The following FSTL5 variants were observed in gnomAD, a reference collection of about 807,000 sequenced individuals.
The protein encoded by FSTL5 is follistatin like 5.
In FSTL5, 62 loss-of-function variants were observed where a neutral mutation model predicts 89.1. That is an observed-to-expected ratio of 0.70 (90% CI 0.57 to 0.86). The LOEUF (loss-of-function observed/expected upper bound fraction) is 0.86, where lower values mean the gene tolerates loss of function less well. Ranked by LOEUF, FSTL5 falls within the 40% of genes least tolerant of loss-of-function variation. FSTL5 has a pLI of 0.00. For missense variants in FSTL5, 1,057 were observed against 1,001.6 expected (o/e 1.06, Z -0.75); for synonymous variants, 383 against 346.2 (o/e 1.11, Z -1.18).
intron 4 of FSTL5, among the ~76,000 whole-genome samples, chr4:161,826,819 T>C (rs1730683628): frequency 6.6e-6 from 1 of 152,160 alleles, no homozygotes; most frequent in Admixed American, 6.5e-5. Flanking sequence ...AGTAGGTACT[T>C]GGTTGGTAAA....
chr4:161,455,272 A>C (rs1733314218), intron 14 of FSTL5, 144 bp from the exon 15 acceptor site: 1 of 503,442 alleles, frequency 2.0e-6, no homozygotes, highest in Non-Finnish European at 3.2e-6. Context: ...ATATTATTAC[A>C]CAAATTACAA....
chr4:161,440,594 C>G (rs183463598), intron 15 of FSTL5, among the ~76,000 whole-genome samples: 26 of 152,120 alleles, frequency 1.7e-4, no homozygotes, highest in Non-Finnish European at 3.7e-4. Context: ...TCCTGACTTT[C>G]CTAATGAACA....
At chr4:161,503,001 G>A (rs978261068) in intron 11 of FSTL5, among the ~76,000 whole-genome samples, 7 of 151,516 alleles carry the variant, frequency 4.6e-5, no homozygotes, top group African/African-American at 1.7e-4. Flanking sequence ...GTAGGGATGA[G>A]AAAATATGAC....
intron 3 of FSTL5, among the ~76,000 whole-genome samples, chr4:161,937,948 A>G (rs1339520269): frequency 7.3e-6 from 1 of 136,124 alleles, no homozygotes; most frequent in Non-Finnish European, 1.7e-5. Flanking sequence ...TCACCTTTCT[A>G]GCAACATGTC....
intron 3 of FSTL5, among the ~76,000 whole-genome samples, chr4:161,954,620 T>C (rs1734980673): frequency 6.6e-6 from 1 of 151,662 alleles, no homozygotes; most frequent in South Asian, 2.1e-4. Context: ...ATCTATCACC[T>C]ATCTGTCTAT....
At chr4:161,847,015 T>C (rs1338813015) in intron 4 of FSTL5, among the ~76,000 whole-genome samples, 5 of 152,188 alleles carry the variant, frequency 3.3e-5, no homozygotes, top group Admixed American at 2.0e-4. Context: ...TTATTTCAAG[T>C]AAGTGTTTGG....
chr4:161,566,676 G>A (rs1372885667), intron 8 of FSTL5, among the ~76,000 whole-genome samples: 2 of 151,838 alleles, frequency 1.3e-5, no homozygotes, highest in African/African-American at 4.8e-5. Context: ...ATCTCATTGT[G>A]GTTTTGATTT....
At chr4:161,831,874 G>C (rs1427743173) in intron 4 of FSTL5, among the ~76,000 whole-genome samples, 1 of 151,672 alleles carries the variant, frequency 6.6e-6, no homozygotes. Flanking sequence ...TAGGATTTTA[G>C]AGAAAATTTG....
chr4:161,401,577 T>C (rs1731180410), intron 15 of FSTL5, among the ~76,000 whole-genome samples: 1 of 152,178 alleles, frequency 6.6e-6, no homozygotes, highest in African/African-American at 2.4e-5. Context: ...CAGGATGGAG[T>C]GCAGTGGCGC....
chr4:161,985,863 T>A (rs910915840), intron 3 of FSTL5, among the ~76,000 whole-genome samples: 1 of 152,158 alleles, frequency 6.6e-6, no homozygotes, highest in Non-Finnish European at 1.5e-5. Flanking sequence ...GTGTATTTAT[T>A]CATATGAAAC....
At chr4:161,617,762 T>G (rs6852064) in intron 7 of FSTL5, among the ~76,000 whole-genome samples, 1 of 152,054 alleles carries the variant, frequency 6.6e-6, no homozygotes, top group South Asian at 2.1e-4. Flanking sequence ...AGAAAAACTG[T>G]GATTATAGAA....
chr4:161,842,650 T>G (rs568615590), intron 4 of FSTL5, among the ~76,000 whole-genome samples: 1 of 152,076 alleles, frequency 6.6e-6, no homozygotes, highest in Non-Finnish European at 1.5e-5. Flanking sequence ...CAAAATGTCA[T>G]CCTGTCAAAA....
chr4:162,006,216 C>T (rs968612113), intron 3 of FSTL5, among the ~76,000 whole-genome samples: 5 of 151,552 alleles, frequency 3.3e-5, no homozygotes, highest in Non-Finnish European at 7.4e-5. Context: ...AGATTCTTAC[C>T]CTTTTATTAC....
intron 3 of FSTL5, among the ~76,000 whole-genome samples, chr4:162,011,971 C>G (rs1381738009): frequency 6.6e-6 from 1 of 152,112 alleles, no homozygotes. Context: ...TTTGACTTAT[C>G]TAGCAATTCA....
intron 3 of FSTL5, among the ~76,000 whole-genome samples, chr4:161,932,272 T>C (rs1734307357): frequency 6.6e-6 from 1 of 151,970 alleles, no homozygotes; most frequent in Non-Finnish European, 1.5e-5. Flanking sequence ...GATGGTTCTC[T>C]AATATATAAA....
At chr4:161,452,954 A>G (rs1413105852) in intron 15 of FSTL5, among the ~76,000 whole-genome samples, 2 of 152,178 alleles carry the variant, frequency 1.3e-5, no homozygotes, top group African/African-American at 4.8e-5. Context: ...ATGTTTTTCA[A>G]ATTAGTATTA....
At chr4:161,952,419 G>T (rs192477366) in intron 3 of FSTL5, among the ~76,000 whole-genome samples, 1 of 152,054 alleles carries the variant, frequency 6.6e-6, no homozygotes, top group Non-Finnish European at 1.5e-5. Flanking sequence ...GAGTTCAGCA[G>T]AAAATAGTTT....
intron 8 of FSTL5, among the ~76,000 whole-genome samples, chr4:161,581,750 T>G (rs186657801): frequency 3.9e-4 from 60 of 152,320 alleles, no homozygotes; most frequent in African/African-American, 1.4e-3. Context: ...GAAGTTTTCT[T>G]ATTTCAGTAG....
At chr4:161,874,062 ATGG>A (rs1732360839) in intron 4 of FSTL5, among the ~76,000 whole-genome samples, 2 of 152,036 alleles carry the variant, frequency 1.3e-5, no homozygotes, top group Non-Finnish European at 2.9e-5. Context: ...ATGCTTTGAT[ATGG>A]TACTATTGTG....
Sources: gnomAD v4.1 joint callset for allele counts (sites outside exome capture counted in the v4.1 genomes callset) on GRCh38, gnomAD v4.1.1 for gene constraint, MANE v1.5 for transcripts, NCBI Gene and HGNC (gene_info 2026-07-23, HGNC 2026-07-21) for gene names.